AGR2: variants seen among roughly 807,000 people sequenced by gnomAD.
The protein encoded by AGR2 is anterior gradient protein 2 homolog.
AGR2 carries 27 observed loss-of-function variants against 25.9 expected under a neutral mutation model. The observed-to-expected ratio is 1.04, with a 90% CI of 0.77 to 1.44. The LOEUF (loss-of-function observed/expected upper bound fraction) is 1.44. Ranked by LOEUF, AGR2 falls within the 40% of genes most tolerant of loss-of-function variation. The pLI, the probability that AGR2 is intolerant of heterozygous loss-of-function variation, is 0.00. For synonymous variants in AGR2, 78 were observed against 72.0 expected, an observed-to-expected ratio of 1.08 and a Z score of -0.42; for missense variants, 182 against 200.9, an observed-to-expected ratio of 0.91 and a Z score of 0.57.
In AGR2 at chr7:16,804,978, G is replaced by T. The variant is rs541172476; in HGVS notation, c.-51C>A. 1 of 152,468 alleles carries T rather than the reference G, an allele frequency of 6.6e-6. No homozygotes were observed. Among genetic ancestry groups the T allele is most frequent in the East Asian group, 1.9e-4 (1 of 5,308 alleles). The allele number at this position is 152,468 out of a possible 1,614,324, so 9.4% of individuals were successfully genotyped here. A position where few individuals can be genotyped will look rare whatever the true frequency, so the allele number is the denominator to read the frequency against. ...CTGCCTTGTGTGAGTCGGCGGCTAG[G>T]ATGCGGTCCAAGCTTCTGAGTGTGC... On this transcript the variant is annotated 5_prime_UTR_variant, in exon 1 of 8. Coordinates refer to ENST00000419304, the MANE Select transcript of AGR2 (RefSeq NM_006408.4).
At chr7:16,804,298 A>ACACG (rs60609152) in intron 1 of AGR2, among the ~76,000 whole-genome samples, 2 of 151,252 alleles carry the variant, frequency 1.3e-5, no homozygotes, top group Non-Finnish European at 2.9e-5. Flanking sequence ...ACACACACAC[A>ACACG]TTATGTGAAG....
At chr7:16,803,060 C>G (rs56291875) in intron 1 of AGR2, 24,561 of 152,202 alleles carry the variant, frequency 0.16, 2,249 homozygotes, top group South Asian at 0.28. Context: ...GTCTCAAACT[C>G]CTGACCTCAA....
At chr7:16,797,560 T>C in intron 6 of AGR2, 71 bp downstream of exon 6, 1 of 1,384,454 alleles carries the variant, frequency 7.2e-7, no homozygotes, top group Non-Finnish European at 1.0e-6. Flanking sequence ...CAAGGGACAG[T>C]GGGGAGGAGA....
chr7:16,801,835 C>G (rs1163642964), intron 1 of AGR2, 32 bp from the exon 2 acceptor site: 1 of 1,585,520 alleles, frequency 6.3e-7, no homozygotes, highest in Admixed American at 1.7e-5. Flanking sequence ...AATCAGTAAA[C>G]AAAATTGAAC....
At chr7:16,795,318 GTTT>G (rs76582218) in intron 6 of AGR2, among the ~76,000 whole-genome samples, 1 of 139,150 alleles carries the variant, frequency 7.2e-6, no homozygotes. Flanking sequence ...GTGACATGGT[GTTT>G]TTTTTTTTTT....
chr7:16,801,290 G>A, intron 3 of AGR2, 30 bp downstream of exon 3: 1 of 1,608,542 alleles, frequency 6.2e-7, no homozygotes, highest in South Asian at 1.1e-5. Context: ...TGAGAGCTTT[G>A]AGGGAGCTCT....
chr7:16,801,099 G>A (rs561547530), intron 4 of AGR2, 52 bp downstream of exon 4: 64 of 1,453,128 alleles, frequency 4.4e-5, no homozygotes, highest in Non-Finnish European at 4.1e-5. Context: ...CTGAACCCTG[G>A]CCCTAAGGCT....
intron 7 of AGR2, among the ~76,000 whole-genome samples, chr7:16,793,991 A>G (rs1327979508): frequency 6.6e-6 from 1 of 152,198 alleles, no homozygotes; most frequent in Non-Finnish European, 1.5e-5. Context: ...ATTAAAATGT[A>G]TGGTATTATC....
chr7:16,799,458 G>A, intron 5 of AGR2: 1 of 349,372 alleles, frequency 2.9e-6, no homozygotes, highest in East Asian at 5.4e-5. Flanking sequence ...GACTATAGAG[G>A]GACAGGCACA....
intron 7 of AGR2, among the ~76,000 whole-genome samples, chr7:16,793,833 T>C (rs1785000392): frequency 6.6e-6 from 1 of 152,214 alleles, no homozygotes; most frequent in Non-Finnish European, 1.5e-5. Flanking sequence ...ATGAGGTATG[T>C]GATCTACTAA....
At chr7:16,800,548 A>T (rs1785125052) in intron 4 of AGR2, among the ~76,000 whole-genome samples, 1 of 152,216 alleles carries the variant, frequency 6.6e-6, no homozygotes, top group Non-Finnish European at 1.5e-5. Context: ...CACGTGAGTG[A>T]TGGAATCTGA....
In AGR2 at chr7:16,792,873, C is replaced by T. The variant is rs1802157; in HGVS notation, c.*35G>A. 2.5e-6 allele frequency: 4 copies of T among 1,588,470 alleles called. No homozygotes were observed. The highest frequency in any genetic ancestry group is 2.6e-6 in the Non-Finnish European group (3 of 1,156,738). ...CTTCTTCTGGTTTCAAGTCTCAAGGCCTGACAGACAGAAGGGCTTGGAGAT... is the reference window on the plus strand; with the variant it reads ...CTTCTTCTGGTTTCAAGTCTCAAGGTCTGACAGACAGAAGGGCTTGGAGAT... On this transcript the variant is annotated 3_prime_UTR_variant, in exon 8 of 8. Coordinates refer to ENST00000419304, the MANE Select transcript of AGR2 (RefSeq NM_006408.4).
At chr7:16,797,774 C>T (rs2115355335) in intron 5 of AGR2, 80 bp from the exon 6 acceptor site, 4 of 1,183,864 alleles carry the variant, frequency 3.4e-6, no homozygotes, top group Non-Finnish European at 3.7e-6. Flanking sequence ...AGAATCTGTC[C>T]ATTTCCGGCC....
chr7:16,801,144 A>T lies in AGR2; in HGVS notation c.256+7T>A, dbSNP rs766522184. 5 of 1,612,230 alleles carry T rather than the reference A, an allele frequency of 3.1e-6. No homozygotes were observed. Among genetic ancestry groups the T allele is most frequent in the Non-Finnish European group, 4.2e-6 (5 of 1,178,694 alleles). The stretch of plus-strand genomic sequence containing the variant: ...TAAAGGAAATCATACTTAGAAGAAT[A>T]AATTACCTTGACTGTGTGGGCACTC... On this transcript the variant is annotated splice_region_variant and intron_variant, in intron 4 of 7. Transcript: ENST00000419304.
chr7:16,794,425 GTC>G (rs35771196), intron 7 of AGR2, among the ~76,000 whole-genome samples: 60 of 151,078 alleles, frequency 4.0e-4, no homozygotes, highest in African/African-American at 1.2e-3. Flanking sequence ...TTAAGTCAGT[GTC>G]TCTCTCTCTC....
rs748819665 is a variant in AGR2, at chr7:16,801,382, A to G, written c.141T>C (p.Gly47=). The change falls in exon 3 of 8, where the codon GGT becomes GGC. Residue 47 remains glycine, a splice_region_variant and synonymous_variant. Coordinates refer to ENST00000419304, the MANE Select transcript of AGR2 (RefSeq NM_006408.4). ...GAGTCCAGATGAGTTGGTCACCCCA[A>G]CCTAGAATGAAATGAATCAGTATAT... ...RPKLPQTLSR[G]WGDQLIWTQT... is the part of the protein sequence containing the mutation. 8 of 1,612,700 alleles carry G rather than the reference A, an allele frequency of 5.0e-6. No individual in the cohort carries two copies. Among genetic ancestry groups the G allele is most frequent in the African/African-American group, 2.7e-5 (2 of 74,904 alleles).
chr7:16,793,655 A>T (rs1269357705), intron 7 of AGR2, among the ~76,000 whole-genome samples: 1 of 152,206 alleles, frequency 6.6e-6, no homozygotes, highest in Non-Finnish European at 1.5e-5. Context: ...TATGCAGATG[A>T]ATTCTTTAAT....
At chr7:16,795,627 C>T (rs1213274763) in intron 6 of AGR2, among the ~76,000 whole-genome samples, 1 of 151,980 alleles carries the variant, frequency 6.6e-6, no homozygotes, top group African/African-American at 2.4e-5. Flanking sequence ...TCCATCTTGC[C>T]ATGTTTTGTA....
At chr7:16,802,013 C>A (rs748914366) in intron 1 of AGR2, among the ~76,000 whole-genome samples, 1 of 150,992 alleles carries the variant, frequency 6.6e-6, no homozygotes, top group Non-Finnish European at 1.5e-5. Flanking sequence ...TTCCAATAAA[C>A]CCATTGTAAA....
Sources: gnomAD v4.1 joint callset for allele counts (sites outside exome capture counted in the v4.1 genomes callset) on GRCh38, gnomAD v4.1.1 for gene constraint, MANE v1.5 for transcripts, NCBI Gene and HGNC (gene_info 2026-07-23, HGNC 2026-07-21) for gene names.